KIAA0319L: variants seen among roughly 807,000 people sequenced by gnomAD.
KIAA0319L encodes KIAA0319 like, also known as dyslexia-associated protein KIAA0319-like protein.
A neutral mutation model predicts 120.1 loss-of-function variants in KIAA0319L; 55 were observed. That is an observed-to-expected ratio of 0.46 (90% confidence interval 0.37 to 0.57). KIAA0319L has a LOEUF of 0.57. Ranked by LOEUF, KIAA0319L falls within the 20% of genes least tolerant of loss-of-function variation. The pLI is 0.00. For synonymous variants in KIAA0319L, 398 were observed against 471.9 expected (o/e 0.84, Z 2.03); for missense variants, 1,049 against 1,255.3 (o/e 0.84, Z 2.48).
chr1:35,551,411 G>A (rs1332403673), intron 2 of KIAA0319L, among the ~76,000 whole-genome samples: 14 of 152,038 alleles, frequency 9.2e-5, no homozygotes, highest in Non-Finnish European at 1.6e-4. Context: ...CCCGCCTCCC[G>A]GGTTCAAGCG....
chr1:35,556,081 T>C lies in KIAA0319L; in HGVS notation c.-29+1126A>G, dbSNP rs146855811. 4.0e-4 allele frequency among the ~76,000 whole-genome samples: 61 copies of C among 152,288 alleles called. No homozygotes were observed. The East Asian group carries it at 8.9e-3, about 22-fold the overall frequency. On this transcript the variant is annotated intron_variant, in intron 1 of 20. Transcript: ENST00000325722. ...AACACATCACCAAGATCCGAATAGT[T>C]TGTTACTGAATCAAAGGGTAACAAC... is the stretch of plus-strand genomic sequence containing the variant.
chr1:35,518,895 T>A (rs554789316), intron 2 of KIAA0319L, among the ~76,000 whole-genome samples: 2 of 148,466 alleles, frequency 1.3e-5, no homozygotes, highest in African/African-American at 5.0e-5. Context: ...TCCCAGCTAC[T>A]CGGGAGGCTG....
intron 4 of KIAA0319L, 107 bp from the exon 5 acceptor site, chr1:35,475,013 C>G (rs1244599132): frequency 3.1e-6 from 2 of 642,196 alleles, no homozygotes; most frequent in African/African-American, 3.8e-5. Flanking sequence ...TCAGCTACTG[C>G]CATCAATTAC....
intron 16 of KIAA0319L, 48 bp from the exon 17 acceptor site, chr1:35,444,351 G>A (rs776496235): frequency 1.3e-6 from 2 of 1,508,668 alleles, no homozygotes; most frequent in East Asian, 2.4e-5. Flanking sequence ...GTCCATACCT[G>A]CAGCAACAGC....
chr1:35,469,907 C>T (rs1643505929), intron 6 of KIAA0319L, among the ~76,000 whole-genome samples: 1 of 152,016 alleles, frequency 6.6e-6, no homozygotes, highest in Admixed American at 6.5e-5. Flanking sequence ...CTCACTTTGT[C>T]ACCTGGGCTT....
intron 20 of KIAA0319L, chr1:35,438,609 G>A (rs1355366664): frequency 6.9e-6 from 1 of 145,392 alleles, no homozygotes; most frequent in Non-Finnish European, 1.5e-5. Flanking sequence ...CACACCCCCA[G>A]GTTCTAGCAA....
chr1:35,505,009 C>T (rs996338064), intron 3 of KIAA0319L, among the ~76,000 whole-genome samples: 1 of 152,114 alleles, frequency 6.6e-6, no homozygotes, highest in African/African-American at 2.4e-5. Context: ...TGTTTCTTTT[C>T]CGAATTCCTA....
chr1:35,513,286 A>AT (rs1410797390), intron 2 of KIAA0319L, among the ~76,000 whole-genome samples: 129 of 102,730 alleles, frequency 1.3e-3, no homozygotes, highest in African/African-American at 4.0e-3. Context: ...ATATATATAT[A>AT]TATTTTTTTT....
In KIAA0319L at chr1:35,506,591, C is replaced by T; in HGVS notation, c.666+21G>A. 6.3e-7 allele frequency: 1 copy of T among 1,593,672 alleles called. No homozygotes were observed. The highest frequency in any genetic ancestry group is 2.2e-5 in the East Asian group (1 of 44,794). On this transcript the variant is annotated intron_variant, in intron 3 of 20. Coordinates refer to ENST00000325722, the MANE Select transcript of KIAA0319L (RefSeq NM_024874.5). The surrounding 1 kb of genome is among the most constrained non-coding windows in gnomAD (Gnocchi z 4.0). Reference sequence around the variant, plus strand: ...GAGCAGATTTAACCATTTCTCTGCTCCTTATTCATAGCATGCTTACCTCTG... The same window carrying T: ...GAGCAGATTTAACCATTTCTCTGCTTCTTATTCATAGCATGCTTACCTCTG...
chr1:35,470,329 T>C (rs1409431930), intron 6 of KIAA0319L, among the ~76,000 whole-genome samples: 1 of 151,562 alleles, frequency 6.6e-6, no homozygotes, highest in Admixed American at 6.6e-5. Flanking sequence ...TCTATCTCTA[T>C]AAAAAATACA....
rs529076220 is a variant in KIAA0319L at position 35,511,268 on chromosome 1, GA to G, written c.143-4134del. 25 of 148,944 alleles carry G rather than the reference GA, an allele frequency of 1.7e-4. No individual in the cohort carries two copies. In the South Asian group the frequency reaches 2.6e-3, roughly 15 times the overall value. 9.2% of individuals were successfully genotyped at this position (148,944 alleles called of 1,614,324 possible). A position where few individuals can be genotyped will look rare whatever the true frequency, so the allele number is the denominator to read the frequency against. ...GACATCAAGGAATTCATACTGGGGG[GA>G]AAAAAAAACAAAAAACCAAAAACCT... On this transcript the variant is annotated intron_variant, in intron 2 of 20. Transcript: ENST00000325722.
In KIAA0319L at chr1:35,501,649, G is replaced by T. The variant is rs556197925; in HGVS notation, c.666+4963C>A. Among the ~76,000 whole-genome samples the T allele has an allele frequency of 2.6e-5, 4 of 152,222 alleles. No individual in the cohort carries two copies. The East Asian group carries it at 7.7e-4, about 29-fold the overall frequency. On this transcript the variant is annotated intron_variant, in intron 3 of 20. Coordinates refer to ENST00000325722, the MANE Select transcript of KIAA0319L (RefSeq NM_024874.5). The stretch of plus-strand genomic sequence containing the variant: ...ACCAGCACTTTGGGAGGCCGAGGCA[G>T]GCAGATCACCTGAGGTCAGGAGTTT...
At chr1:35,521,667 T>C (rs184100059) in intron 2 of KIAA0319L, among the ~76,000 whole-genome samples, 1 of 140,942 alleles carries the variant, frequency 7.1e-6, no homozygotes, top group African/African-American at 2.6e-5. Context: ...AATAAATAAA[T>C]AAAAATAAAT....
intron 3 of KIAA0319L, among the ~76,000 whole-genome samples, chr1:35,504,569 G>A (rs930021568): frequency 2.0e-5 from 3 of 152,038 alleles, no homozygotes; most frequent in Admixed American, 1.3e-4. Flanking sequence ...TGTGTTAATC[G>A]ACTGTTTATC....
At chr1:35,523,014 TAAAAA>T (rs58518920) in intron 2 of KIAA0319L, among the ~76,000 whole-genome samples, 1 of 62,524 alleles carries the variant, frequency 1.6e-5, no homozygotes, top group Non-Finnish European at 3.5e-5. Context: ...AAACTCCACA[TAAAAA>T]AAAAAAAAAA....
intron 3 of KIAA0319L, among the ~76,000 whole-genome samples, chr1:35,504,227 T>C (rs1645119838): frequency 6.6e-6 from 1 of 151,348 alleles, no homozygotes; most frequent in South Asian, 2.1e-4. Context: ...GACAGAGTCT[T>C]ACTCTGTTGC....
Position 35,449,947 on chromosome 1 carries a change from C to G in KIAA0319L, c.2273G>C (p.Gly758Ala), listed in dbSNP as rs768123207. 1 of 1,614,118 alleles carries G rather than the reference C, an allele frequency of 6.2e-7. No homozygotes were observed. Among genetic ancestry groups the G allele is most frequent in the South Asian group, 1.1e-5 (1 of 91,086 alleles). Residue 758 changes from glycine to alanine, a missense_variant, in exon 15 of 21, where the codon GGA becomes GCA. Gly to Ala is a moderately conservative substitution (Grantham distance 60). Coordinates refer to ENST00000325722, the MANE Select transcript of KIAA0319L (RefSeq NM_024874.5). ...PILFLSNLVE[G>A]TYTFHLKVTD... Reference sequence around the variant, plus strand: ...CACTTTCAGGTGAAAAGTGTAGGTTCCCTCAACCAGGTTTGAAAGAAAAAG... The same window carrying G: ...CACTTTCAGGTGAAAAGTGTAGGTTGCCTCAACCAGGTTTGAAAGAAAAAG...
intron 2 of KIAA0319L, among the ~76,000 whole-genome samples, chr1:35,525,768 T>C (rs1570952876): frequency 6.6e-6 from 1 of 152,214 alleles, no homozygotes; most frequent in African/African-American, 2.4e-5. Flanking sequence ...TTTGCAAATA[T>C]TTTCTCCCAT....
chr1:35,536,734 C>T (rs1374375544), intron 2 of KIAA0319L, among the ~76,000 whole-genome samples: 1 of 152,192 alleles, frequency 6.6e-6, no homozygotes, highest in East Asian at 1.9e-4. Flanking sequence ...GCATTTTTCA[C>T]AGCCAAGTAT....
Sources: allele counts gnomAD v4.1 joint callset (sites outside exome capture counted in the v4.1 genomes callset), GRCh38; gene constraint gnomAD v4.1.1; non-coding constraint Gnocchi (gnomAD v3.1); transcripts MANE v1.5; gene names NCBI Gene and HGNC (gene_info 2026-07-23, HGNC 2026-07-21).